SPAG1: variants seen among roughly 807,000 people sequenced by gnomAD.
The protein encoded by SPAG1 is sperm-associated antigen 1.
A neutral mutation model predicts 100.5 loss-of-function variants in SPAG1; 69 were observed. The observed-to-expected ratio is 0.69, with a 90% CI of 0.57 to 0.84. The LOEUF (loss-of-function observed/expected upper bound fraction) is 0.84. SPAG1 is among the 40% of genes least tolerant of loss of function. The pLI, the probability that SPAG1 is intolerant of heterozygous loss-of-function variation, is 0.00. For missense variants in SPAG1, 955 were observed against 1,133.1 expected, an observed-to-expected ratio of 0.84 and a Z score of 2.26; for synonymous variants, 336 against 411.6, an observed-to-expected ratio of 0.82 and a Z score of 2.22.
At chr8:100,181,136 T>C (rs1486037251) in intron 4 of SPAG1, among the ~76,000 whole-genome samples, 2 of 152,222 alleles carry the variant, frequency 1.3e-5, no homozygotes, top group Admixed American at 1.3e-4. Flanking sequence ...AAATATAATA[T>C]TACACATTAG....
chr8:100,238,087 T>G (rs1819088241), intron 16 of SPAG1, among the ~76,000 whole-genome samples: 1 of 152,186 alleles, frequency 6.6e-6, no homozygotes, highest in Non-Finnish European at 1.5e-5. Context: ...AGAATCAGCC[T>G]TTATTACTTC....
At position 100,204,685 on chromosome 8, in the gene SPAG1, T is replaced by C. The variant is rs546215851; in HGVS notation, c.1097-8405T>C. Among the ~76,000 whole-genome samples, 8 of 152,314 alleles carry C rather than the reference T, an allele frequency of 5.3e-5. No homozygotes were observed. In the East Asian group the frequency reaches 1.4e-3, roughly 26 times the overall value. On this transcript the variant is annotated intron_variant, in intron 10 of 18. Transcript: ENST00000388798. ...GTGAACTGGATTAGTCACTTTAGACTGACTCATCCCAGCTGGGAGGGTCCA... is the reference window on the plus strand; with the variant it reads ...GTGAACTGGATTAGTCACTTTAGACCGACTCATCCCAGCTGGGAGGGTCCA...
chr8:100,164,850 A>G (rs1273441348), intron 2 of SPAG1, among the ~76,000 whole-genome samples: 1 of 152,244 alleles, frequency 6.6e-6, no homozygotes, highest in Non-Finnish European at 1.5e-5. Context: ...ATTACCATCC[A>G]TGATCCATAA....
At chr8:100,222,508 T>C (rs1368282484) in intron 13 of SPAG1, among the ~76,000 whole-genome samples, 1 of 152,212 alleles carries the variant, frequency 6.6e-6, no homozygotes, top group Non-Finnish European at 1.5e-5. Flanking sequence ...CATTGTTTGT[T>C]GCTTTTAATT....
At chr8:100,175,590 G>T (rs979645418) in intron 3 of SPAG1, among the ~76,000 whole-genome samples, 1 of 152,160 alleles carries the variant, frequency 6.6e-6, no homozygotes, top group African/African-American at 2.4e-5. Flanking sequence ...CAGCTAGCAC[G>T]CAGTAAAGTT....
In SPAG1 at chr8:100,239,947, C is replaced by T. The variant is rs1210571744; in HGVS notation, c.2281-456C>T. Among the ~76,000 whole-genome samples the T allele has an allele frequency of 1.3e-5, 2 of 152,200 alleles. No homozygotes were observed. The highest frequency in any genetic ancestry group is 2.9e-5 in the Non-Finnish European group (2 of 68,044). ...GTTAGGCTGTGAATCCCTGTACATTCATGAATGCTAATACCCCATTTATAG... is the reference window on the plus strand; with the variant it reads ...GTTAGGCTGTGAATCCCTGTACATTTATGAATGCTAATACCCCATTTATAG... On this transcript the variant is annotated intron_variant, in intron 17 of 18. Transcript: ENST00000388798. This position sits in a 1 kb window ranked among gnomAD's most constrained non-coding sequence, Gnocchi z 5.0.
In SPAG1 at chr8:100,222,196, AACT is replaced by A. The variant is rs1399445294; in HGVS notation, c.1688+1769_1688+1771del. Among the ~76,000 whole-genome samples, 16 of 152,274 alleles carry A rather than the reference AACT, an allele frequency of 1.1e-4. No homozygotes were observed. The East Asian group carries it at 3.1e-3, about 29-fold the overall frequency. On this transcript the variant is annotated intron_variant, in intron 13 of 18. Coordinates refer to ENST00000388798, the MANE Select transcript of SPAG1 (RefSeq NM_003114.5). ...AGGAGAGGACTTGCCTCCTCTAGGA[AACT>A]ACTTGCCCTGATCCACTGTCTCCCT...
intron 7 of SPAG1, 36 bp downstream of exon 7, chr8:100,184,769 T>G (rs1422603581): frequency 8.3e-7 from 1 of 1,204,042 alleles, no homozygotes; most frequent in Non-Finnish European, 1.2e-6. Context: ...AACTTGCCTT[T>G]TAAAAAATGA....
chr8:100,172,856 T>G (rs1482665208), intron 3 of SPAG1, among the ~76,000 whole-genome samples: 1 of 152,046 alleles, frequency 6.6e-6, no homozygotes, highest in African/African-American at 2.4e-5. Flanking sequence ...CTTTTTAAAC[T>G]TTCAGCCTTC....
At chr8:100,215,915 A>G (rs1475420233) in intron 12 of SPAG1, among the ~76,000 whole-genome samples, 1 of 152,232 alleles carries the variant, frequency 6.6e-6, no homozygotes, top group Non-Finnish European at 1.5e-5. Flanking sequence ...CCAGTTTTAC[A>G]TATTTAAATT....
intron 3 of SPAG1, among the ~76,000 whole-genome samples, chr8:100,168,422 G>A (rs4521730): frequency 0.17 from 25,338 of 151,844 alleles, 2,231 homozygotes; most frequent in South Asian, 0.21. Flanking sequence ...TATCAGATAC[G>A]TTGCTTTTTT....
At position 100,191,471 on chromosome 8, in the gene SPAG1, T is replaced by A; in HGVS notation, c.914T>A (p.Val305Asp). 1 of 1,613,044 alleles carries A rather than the reference T, an allele frequency of 6.2e-7. No individual in the cohort carries two copies. Among genetic ancestry groups the A allele is most frequent in the Non-Finnish European group, 8.5e-7 (1 of 1,179,074 alleles). ...GAAGATTTGAGTAAAGTACTAGATG[T>A]TGAGCCTGATAATGATTTGGCCAAG... ...ATEDLSKVLD[V>D]EPDNDLAKKT... is the part of the protein sequence containing the mutation. The change falls in exon 9 of 19, where the codon GTT becomes GAT. Residue 305 changes from valine (V) to aspartate (D), a missense_variant. Val to Asp is a radical substitution (Grantham distance 152). Transcript: ENST00000388798.
intron 8 of SPAG1, among the ~76,000 whole-genome samples, chr8:100,189,302 T>G (rs1398754340): frequency 6.6e-6 from 1 of 151,372 alleles, no homozygotes; most frequent in East Asian, 1.9e-4. Flanking sequence ...GTGGCGAAAC[T>G]CCATCTCTAC....
chr8:100,212,906 G>A (rs1014250898), intron 10 of SPAG1, among the ~76,000 whole-genome samples, 184 bp from the exon 11 acceptor site: 3 of 151,952 alleles, frequency 2.0e-5, no homozygotes, highest in Non-Finnish European at 2.9e-5. Flanking sequence ...GGGCCTCGAG[G>A]GAGCGGACTG....
Position 100,184,079 on chromosome 8 carries a change from T to C in SPAG1, c.595+17T>C, listed in dbSNP as rs531426129. The C allele has an allele frequency of 8.4e-7, 1 of 1,184,370 alleles. No homozygotes were observed. The highest frequency in any genetic ancestry group is 1.2e-6 in the Non-Finnish European group (1 of 840,350). 73.4% of individuals were successfully genotyped at this position (1,184,370 alleles called of 1,614,324 possible). A position where few individuals can be genotyped will look rare whatever the true frequency, so the allele number is the denominator to read the frequency against. On this transcript the variant is annotated intron_variant, in intron 6 of 18. Coordinates refer to ENST00000388798, the MANE Select transcript of SPAG1 (RefSeq NM_003114.5). ...ATACAGCAGGTAATTGGAGAAAAAA[T>C]AATAATTTAGTAGTCTTTAAAGTTT...
At chr8:100,162,481 C>G in intron 2 of SPAG1, 61 bp downstream of exon 2, 1 of 1,305,804 alleles carries the variant, frequency 7.7e-7, no homozygotes, top group African/African-American at 1.5e-5. Flanking sequence ...TTGTTGTTAC[C>G]TTCTAAAGGT....
At chr8:100,179,408 A>G (rs1455456008) in intron 4 of SPAG1, among the ~76,000 whole-genome samples, 1 of 152,158 alleles carries the variant, frequency 6.6e-6, no homozygotes, top group Non-Finnish European at 1.5e-5. Flanking sequence ...CAATAATAAT[A>G]GTCCCGGTGT....
Position 100,239,339 on chromosome 8 carries a change from A to C in SPAG1, c.2215A>C (p.Asn739His). The change falls in exon 17 of 19, where the codon AAT becomes CAT. Residue 739 changes from asparagine to histidine, a missense_variant. Physicochemically the swap from Asn to His is moderately conservative, Grantham distance 68 (BLOSUM62 1). Transcript: ENST00000388798. The surrounding 1 kb of genome is among the most constrained non-coding windows in gnomAD (Gnocchi z 5.0). ...ACTGGAAGAGGTAACTAGACTCCTT[A>C]ATCTTAAGGATAAGACAGCACCATT... is the stretch of plus-strand genomic sequence containing the variant. ...MELEEVTRLL[N>H]LKDKTAPFNK... 6.3e-7 allele frequency: 1 copy of C among 1,593,636 alleles called. No homozygotes were observed. Among genetic ancestry groups the C allele is most frequent in the Non-Finnish European group, 8.6e-7 (1 of 1,167,574 alleles).
chr8:100,165,611 G>A, intron 2 of SPAG1: 1 of 502,378 alleles, frequency 2.0e-6, no homozygotes, highest in South Asian at 3.0e-5. Context: ...TGGTTACTTT[G>A]GAGTTCCTTT....
Sources: gnomAD v4.1 joint callset for allele counts (sites outside exome capture counted in the v4.1 genomes callset) on GRCh38, gnomAD v4.1.1 for gene constraint, Gnocchi (gnomAD v3.1) non-coding constraint, MANE v1.5 for transcripts, NCBI Gene and HGNC (gene_info 2026-07-23, HGNC 2026-07-21) for gene names.